The following MBNL3 variants were observed in gnomAD, a reference collection of about 807,000 sequenced individuals.
The protein encoded by MBNL3 is muscleblind like splicing regulator 3.
Under a neutral mutation model 24.5 loss-of-function variants are expected in MBNL3, and 6 were observed. That is an observed-to-expected ratio of 0.25 (90% CI 0.13 to 0.48). MBNL3 has a LOEUF of 0.48. Ranked by LOEUF, MBNL3 falls within the 20% of genes least tolerant of loss-of-function variation. MBNL3 has a pLI of 0.99. For missense variants in MBNL3, 230 were observed against 293.5 expected (o/e 0.78, Z 1.58); for synonymous variants, 100 against 101.7 (o/e 0.98, Z 0.10).
chrX:132,389,881 T>G (rs984188724), intron 5 of MBNL3, among the ~76,000 whole-genome samples: 6 of 110,643 alleles, frequency 5.4e-5, no homozygotes, highest in Admixed American at 9.7e-5. Context: ...AAAACTGGCT[T>G]TCTACAGCAA....
chrX:132,478,852 A>G (rs768771338), intron 1 of MBNL3, among the ~76,000 whole-genome samples: 1 of 112,814 alleles, frequency 8.9e-6, no homozygotes, highest in East Asian at 2.8e-4. Flanking sequence ...GAGTAAACCT[A>G]TATTAATTTT....
intron 1 of MBNL3, among the ~76,000 whole-genome samples, chrX:132,440,576 G>A (rs1945340924): frequency 9.0e-6 from 1 of 111,085 alleles, no homozygotes; most frequent in South Asian, 3.8e-4. Context: ...GGTGGAGGAT[G>A]GAAACGTAAA....
At chrX:132,450,031 G>T (rs1252992362) in intron 1 of MBNL3, among the ~76,000 whole-genome samples, 1 of 89,828 alleles carries the variant, frequency 1.1e-5, no homozygotes, top group Non-Finnish European at 2.1e-5. Context: ...AGAGAGATCT[G>T]CTGTTAGTCT....
At chrX:132,389,982 C>T (rs1936830860) in intron 5 of MBNL3, among the ~76,000 whole-genome samples, 1 of 109,687 alleles carries the variant, frequency 9.1e-6, no homozygotes, top group African/African-American at 3.3e-5. Context: ...CACCTGAGAT[C>T]AGAAGTTCAA....
chrX:132,401,410 G>A (rs1209830443), intron 3 of MBNL3, among the ~76,000 whole-genome samples: 1 of 109,929 alleles, frequency 9.1e-6, no homozygotes, highest in Non-Finnish European at 1.9e-5. Context: ...ACCAGACTGG[G>A]CAACATAGTG....
upstream of MBNL3, chrX:132,489,093 A>C (rs1292985322): frequency 8.8e-6 from 1 of 113,360 alleles, no homozygotes; most frequent in East Asian, 2.8e-4. Flanking sequence ...CACCTCCAGA[A>C]CTTCAGGGCT....
In MBNL3 at chrX:132,371,991, A is replaced by C. The variant is rs1933650417; in HGVS notation, c.*7675T>G. 1 of 111,522 alleles carries C rather than the reference A, an allele frequency of 9.0e-6. No homozygotes were observed. Among genetic ancestry groups the C allele is most frequent in the African/African-American group, 3.2e-5 (1 of 30,820 alleles). 9.2% of individuals were successfully genotyped at this position (111,522 alleles called of 1,213,427 possible). On this transcript the variant is annotated 3_prime_UTR_variant, in exon 9 of 9. Coordinates refer to ENST00000370853, the MANE Select transcript of MBNL3 (RefSeq NM_001386889.1). ...ATGTGTGAATATGGATTCATAAAAAAAGACATAACCAAGAAGTTTATGCAT... is the reference window on the plus strand; with the variant it reads ...ATGTGTGAATATGGATTCATAAAAACAGACATAACCAAGAAGTTTATGCAT...
intron 2 of MBNL3, chrX:132,432,009 A>G (rs2148416188): frequency 1.8e-5 from 2 of 111,638 alleles, no homozygotes; most frequent in East Asian, 5.6e-4. Flanking sequence ...TATCTTTATT[A>G]TAAATATAGC....
chrX:132,463,163 T>C (rs2148501083), intron 1 of MBNL3, among the ~76,000 whole-genome samples: 1 of 112,792 alleles, frequency 8.9e-6, no homozygotes, highest in African/African-American at 3.2e-5. Flanking sequence ...TGGAAGCTGA[T>C]TGAATATTTA....
chrX:132,457,998 T>C (rs1946455339), intron 1 of MBNL3, among the ~76,000 whole-genome samples: 1 of 111,848 alleles, frequency 8.9e-6, no homozygotes, highest in Non-Finnish European at 1.9e-5. Flanking sequence ...AAAGATCAAG[T>C]CTAGCTCATT....
At chrX:132,472,211 A>G (rs1215078472) in intron 1 of MBNL3, among the ~76,000 whole-genome samples, 1 of 112,127 alleles carries the variant, frequency 8.9e-6, no homozygotes, top group Non-Finnish European at 1.9e-5. Context: ...ATTCCTGCCA[A>G]GAAAAGAGGA....
At chrX:132,412,521 T>C in intron 2 of MBNL3, among the ~76,000 whole-genome samples, 2 of 112,408 alleles carry the variant, frequency 1.8e-5, no homozygotes, top group Admixed American at 1.9e-4. Context: ...ACAAGAAAAA[T>C]GTTTGCGGCT....
intron 2 of MBNL3, among the ~76,000 whole-genome samples, chrX:132,422,606 G>T (rs1943930715): frequency 8.9e-6 from 1 of 112,140 alleles, no homozygotes; most frequent in Non-Finnish European, 1.9e-5. Context: ...TTCCAGAATA[G>T]ACATCATTTC....
At chrX:132,409,383 T>G (rs1942379567) in intron 2 of MBNL3, among the ~76,000 whole-genome samples, 1 of 111,892 alleles carries the variant, frequency 8.9e-6, no homozygotes, top group African/African-American at 3.3e-5. Context: ...TCTATTGTTT[T>G]TGTCCTTTGG....
chrX:132,436,493 A>G (rs183967161), intron 2 of MBNL3, among the ~76,000 whole-genome samples: 1 of 112,136 alleles, frequency 8.9e-6, no homozygotes, highest in Admixed American at 9.5e-5. Flanking sequence ...CACAACAACA[A>G]CAAAACAAAA....
rs937349601 is a variant in MBNL3, at chrX:132,465,989, G to T, written c.-704+22862C>A. On this transcript the variant is annotated intron_variant, in intron 1 of 8. Coordinates refer to ENST00000370853, the MANE Select transcript of MBNL3 (RefSeq NM_001386889.1). ...ATGACAAATAATTTTGATTAATATT[G>T]CAAGCCCATCATATACTACAAAAGT... is the stretch of plus-strand genomic sequence containing the variant. 5.4e-5 allele frequency among the ~76,000 whole-genome samples: 6 copies of T among 111,594 alleles called. No individual in the cohort carries two copies. The East Asian group carries it at 1.7e-3, about 31-fold the overall frequency.
intron 2 of MBNL3, among the ~76,000 whole-genome samples, chrX:132,419,365 A>T (rs1196454212): frequency 3.6e-5 from 4 of 111,332 alleles, no homozygotes; most frequent in Non-Finnish European, 7.5e-5. Flanking sequence ...GACTATCATC[A>T]CCTCCCTAAG....
At position 132,396,614 on chromosome X, in the gene MBNL3, T is replaced by TCATATATATTCA. The variant is rs1938876730; in HGVS notation, c.343-4281_343-4280insTGAATATATATG. 1.2e-4 allele frequency among the ~76,000 whole-genome samples: 5 copies of TCATATATATTCA among 42,342 alleles called. No individual in the cohort carries two copies. In the Admixed American group the frequency reaches 1.2e-3, roughly 10 times the overall value. The allele number at this position is 42,342 out of a possible 115,157, so 36.8% of individuals were successfully genotyped here. The stretch of plus-strand genomic sequence containing the variant: ...TTCCTATATATATTCCTATATATAT[T>TCATATATATTCA]CATATATATATTCATATATATTCAC... On this transcript the variant is annotated intron_variant, in intron 3 of 8. Coordinates refer to ENST00000370853, the MANE Select transcript of MBNL3 (RefSeq NM_001386889.1).
intron 3 of MBNL3, among the ~76,000 whole-genome samples, chrX:132,396,547 T>G (rs1938700575): frequency 5.3e-5 from 1 of 18,971 alleles, no homozygotes; most frequent in East Asian, 8.7e-4. Context: ...TATATATTCC[T>G]ATATATTCCT....
Sources: allele counts gnomAD v4.1 joint callset (sites outside exome capture counted in the v4.1 genomes callset), GRCh38; gene constraint gnomAD v4.1.1; transcripts MANE v1.5; gene names NCBI Gene and HGNC (gene_info 2026-07-23, HGNC 2026-07-21).